The following PARD3B variants were observed in gnomAD, a reference collection of about 807,000 sequenced individuals.
The protein encoded by PARD3B is par-3 family cell polarity regulator beta, also known as partitioning defective 3 homolog B.
A neutral mutation model predicts 130.2 loss-of-function variants in PARD3B; 103 were observed. The ratio of observed to expected loss-of-function variants is 0.79; its 90% CI spans 0.67 to 0.93. PARD3B has a LOEUF of 0.93. Ranked by LOEUF, PARD3B falls within the 40% of genes least tolerant of loss-of-function variation. The probability of loss-of-function intolerance (pLI) is 0.00; values close to 1 mark genes in which losing one functional copy is unlikely to be tolerated. For synonymous variants in PARD3B, 583 were observed against 553.2 expected (o/e 1.05, Z -0.76); for missense variants, 1,609 against 1,499.2 (o/e 1.07, Z -1.21).
intron 21 of PARD3B, among the ~76,000 whole-genome samples, chr2:205,535,075 A>G (rs534230889): frequency 6.6e-6 from 1 of 152,256 alleles, no homozygotes; most frequent in South Asian, 2.1e-4. Flanking sequence ...TTAGCTCTAC[A>G]TCTACTGTGT....
chr2:205,259,202 C>G (rs945286020), intron 16 of PARD3B, among the ~76,000 whole-genome samples: 2 of 152,114 alleles, frequency 1.3e-5, no homozygotes, highest in African/African-American at 4.8e-5. Flanking sequence ...AATTTCTTAA[C>G]TCACCATTTT....
intron 4 of PARD3B, among the ~76,000 whole-genome samples, chr2:205,081,354 G>A (rs1200411858): frequency 1.3e-5 from 2 of 151,796 alleles, no homozygotes; most frequent in African/African-American, 4.8e-5. Flanking sequence ...AGTTCACTCA[G>A]CACCATTTAT....
chr2:205,505,300 T>C (rs2050315850), intron 21 of PARD3B, among the ~76,000 whole-genome samples: 1 of 151,840 alleles, frequency 6.6e-6, no homozygotes. Context: ...AAATGACGAG[T>C]TGCTGGGTGC....
At chr2:204,700,366 T>A (rs988762956) in intron 2 of PARD3B, among the ~76,000 whole-genome samples, 1 of 152,156 alleles carries the variant, frequency 6.6e-6, no homozygotes, top group South Asian at 2.1e-4. Context: ...TTGGAAAATT[T>A]AATTTTGTAC....
rs74397152 is a variant in PARD3B at position 205,159,721 on chromosome 2, T to C, written c.1620+814T>C. 9.8e-3 allele frequency among the ~76,000 whole-genome samples: 1,486 copies of C among 152,306 alleles called. 25 individuals are homozygous for C. Among genetic ancestry groups the C allele is most frequent in the African/African-American group, 0.034 (1,406 of 41,556 alleles). ...GCACCTCTTGCCACCCTCATTATTA[T>C]CTCACACCGTGCAAGGAGACTTCTT... On this transcript the variant is annotated intron_variant, in intron 11 of 22. Coordinates refer to ENST00000406610, the MANE Select transcript of PARD3B (RefSeq NM_001302769.2).
chr2:205,464,952 G>C (rs2048571836), intron 20 of PARD3B, among the ~76,000 whole-genome samples: 1 of 152,158 alleles, frequency 6.6e-6, no homozygotes, highest in Non-Finnish European at 1.5e-5. Context: ...GGGCTACTCT[G>C]GGTTCAGCAG....
At chr2:204,557,768 A>G (rs1242541208) in intron 1 of PARD3B, among the ~76,000 whole-genome samples, 1 of 152,186 alleles carries the variant, frequency 6.6e-6, no homozygotes, top group Admixed American at 6.5e-5. Flanking sequence ...GTGGTCCATT[A>G]TATCTGCCAC....
chr2:205,560,244 A>G (rs1425437332), intron 22 of PARD3B, among the ~76,000 whole-genome samples: 1 of 152,202 alleles, frequency 6.6e-6, no homozygotes, highest in Non-Finnish European at 1.5e-5. Flanking sequence ...ATTTCTTACT[A>G]AAATATAAGT....
At chr2:205,271,986 C>A (rs937701218) in intron 16 of PARD3B, among the ~76,000 whole-genome samples, 1 of 151,828 alleles carries the variant, frequency 6.6e-6, no homozygotes, top group Admixed American at 6.6e-5. Context: ...GGGGAAACCC[C>A]GTCTCTACTA....
At chr2:205,561,845 A>G (rs997494690) in intron 22 of PARD3B, among the ~76,000 whole-genome samples, 1 of 152,120 alleles carries the variant, frequency 6.6e-6, no homozygotes, top group Non-Finnish European at 1.5e-5. Context: ...GCCTTTTGAA[A>G]ATCAGTGAAG....
At chr2:204,651,403 A>G (rs548639049) in intron 1 of PARD3B, among the ~76,000 whole-genome samples, 5 of 152,344 alleles carry the variant, frequency 3.3e-5, no homozygotes, top group South Asian at 4.1e-4. Context: ...GGCACTCATT[A>G]TATCTTAAAG....
chr2:204,784,760 C>T (rs569178903), intron 2 of PARD3B, among the ~76,000 whole-genome samples: 8 of 152,254 alleles, frequency 5.3e-5, no homozygotes, highest in East Asian at 1.9e-4. Context: ...TAAGTTGATA[C>T]GATTATTTTT....
chr2:205,422,848 A>AG (rs2047016128), intron 19 of PARD3B, among the ~76,000 whole-genome samples: 1 of 1,050 alleles, frequency 9.5e-4, no homozygotes, highest in Non-Finnish European at 2.1e-3. Context: ...TGAAAAGAAT[A>AG]GCTTGGTGAA....
At chr2:205,445,368 G>A (rs2047870427) in intron 20 of PARD3B, among the ~76,000 whole-genome samples, 1 of 152,170 alleles carries the variant, frequency 6.6e-6, no homozygotes, top group Non-Finnish European at 1.5e-5. Flanking sequence ...AGGTTTAATT[G>A]GCTCACAGTT....
intron 4 of PARD3B, among the ~76,000 whole-genome samples, chr2:205,088,637 A>C (rs1351707993): frequency 6.6e-6 from 1 of 152,194 alleles, no homozygotes; most frequent in Non-Finnish European, 1.5e-5. Flanking sequence ...AATTCATGTC[A>C]CATTAATGAA....
chr2:205,203,422 T>C (rs1164130959), intron 15 of PARD3B, among the ~76,000 whole-genome samples: 23 of 149,894 alleles, frequency 1.5e-4, no homozygotes, highest in African/African-American at 5.4e-4. Flanking sequence ...TTTTACTTTT[T>C]ACTTTTTATT....
intron 2 of PARD3B, among the ~76,000 whole-genome samples, chr2:204,780,242 A>G (rs527477164): frequency 2.0e-4 from 30 of 152,300 alleles, no homozygotes; most frequent in Admixed American, 1.2e-3. Flanking sequence ...TCAGTCTATC[A>G]TGATGTGGTT....
intron 1 of PARD3B, among the ~76,000 whole-genome samples, chr2:204,657,505 T>TA (rs1411584404): frequency 2.7e-5 from 4 of 150,640 alleles, no homozygotes; most frequent in South Asian, 2.1e-4. Context: ...AGACCCTGTC[T>TA]AAAAAAAAAA....
At chr2:205,536,753 A>C (rs2051878625) in intron 21 of PARD3B, among the ~76,000 whole-genome samples, 1 of 152,098 alleles carries the variant, frequency 6.6e-6, no homozygotes, top group African/African-American at 2.4e-5. Context: ...CCATACCAAA[A>C]CCCAATTACA....
Sources: allele counts gnomAD v4.1 joint callset (sites outside exome capture counted in the v4.1 genomes callset), GRCh38; gene constraint gnomAD v4.1.1; transcripts MANE v1.5; gene names NCBI Gene and HGNC (gene_info 2026-07-23, HGNC 2026-07-21).